The following DZIP3 variants were observed in gnomAD, a reference collection of about 807,000 sequenced individuals.
DZIP3 encodes the protein DAZ interacting zinc finger protein 3.
Under a neutral mutation model 162.0 loss-of-function variants are expected in DZIP3, and 118 were observed. The ratio of observed to expected loss-of-function variants is 0.73; its 90% confidence interval spans 0.63 to 0.85. The LOEUF is 0.85. Ranked by LOEUF, DZIP3 falls within the 40% of genes least tolerant of loss-of-function variation. The probability of loss-of-function intolerance (pLI) is 0.00; values close to 1 mark genes in which losing one functional copy is unlikely to be tolerated. For missense variants in DZIP3, 1,331 were observed against 1,407.0 expected (o/e 0.95, Z 0.86); for synonymous variants, 438 against 458.6 (o/e 0.96, Z 0.57).
chr3:108,625,681 A>G (rs1410173616), intron 6 of DZIP3, among the ~76,000 whole-genome samples, 164 bp from the exon 7 acceptor site: 1 of 152,190 alleles, frequency 6.6e-6, no homozygotes, highest in Non-Finnish European at 1.5e-5. Flanking sequence ...TGATCTTTGT[A>G]ATCACATGCA....
At chr3:108,688,994 T>A in intron 31 of DZIP3, 70 bp downstream of exon 31, 3 of 1,389,292 alleles carry the variant, frequency 2.2e-6, no homozygotes. Context: ...ATCATATACA[T>A]GTATCATTAT....
intron 19 of DZIP3, among the ~76,000 whole-genome samples, chr3:108,661,020 CTT>C (rs943020715): frequency 6.6e-6 from 1 of 152,182 alleles, no homozygotes; most frequent in Non-Finnish European, 1.5e-5. Context: ...AATAGGAACA[CTT>C]TTACACTGTT....
intron 5 of DZIP3, 86 bp downstream of exon 5, chr3:108,616,743 A>C: frequency 1.1e-6 from 1 of 905,878 alleles, no homozygotes; most frequent in Non-Finnish European, 1.7e-6. Flanking sequence ...GCTTATTTTA[A>C]GGTGTGGGCC....
At chr3:108,640,916 T>G (rs1387968448) in intron 12 of DZIP3, among the ~76,000 whole-genome samples, 2 of 152,156 alleles carry the variant, frequency 1.3e-5, no homozygotes, top group African/African-American at 4.8e-5. Context: ...TGTTGTTTTA[T>G]ATATACAATA....
In DZIP3 at chr3:108,686,439, T is replaced by C. The variant is rs1303077578; in HGVS notation, c.3010-6T>C. 6.4e-7 allele frequency: 1 copy of C among 1,570,926 alleles called. No homozygotes were observed. Among genetic ancestry groups the C allele is most frequent in the Non-Finnish European group, 8.6e-7 (1 of 1,163,762 alleles). On this transcript the variant is annotated splice_polypyrimidine_tract_variant and splice_region_variant and intron_variant, in intron 27 of 32. Transcript: ENST00000361582. Reference sequence around the variant, plus strand: ...CTGCTGGGCTATAGCTCTCTGCCTCTTACAGATGACTGGCATAGCCTGGGC... The same window carrying C: ...CTGCTGGGCTATAGCTCTCTGCCTCCTACAGATGACTGGCATAGCCTGGGC...
At chr3:108,625,754 C>A in intron 6 of DZIP3, 91 bp from the exon 7 acceptor site, 1 of 1,307,592 alleles carries the variant, frequency 7.6e-7, no homozygotes, top group Non-Finnish European at 1.0e-6. Flanking sequence ...TAAAGCTGCC[C>A]TAATTTCTCC....
At chr3:108,602,752 A>T (rs1222962144) in intron 1 of DZIP3, 1 of 152,082 alleles carries the variant, frequency 6.6e-6, no homozygotes, top group Non-Finnish European at 1.5e-5. Flanking sequence ...TTTGGTTGCT[A>T]GGCACTTCGC....
intron 10 of DZIP3, among the ~76,000 whole-genome samples, chr3:108,635,601 TTA>T (rs1056873229): frequency 3.5e-5 from 5 of 143,292 alleles, no homozygotes; most frequent in African/African-American, 1.2e-4. Flanking sequence ...AACTACATAA[TTA>T]TATATAACTA....
Position 108,654,739 on chromosome 3 carries a change from T to A in DZIP3, c.2199+429T>A, listed in dbSNP as rs552942725. The stretch of plus-strand genomic sequence containing the variant: ...AATGTCTACAGAAAATATTGATGTA[T>A]AATCATTTTTTTTTCTGGCTCCATT... On this transcript the variant is annotated intron_variant, in intron 19 of 32. Coordinates refer to ENST00000361582, the MANE Select transcript of DZIP3 (RefSeq NM_014648.4). Among the ~76,000 whole-genome samples the A allele has an allele frequency of 5.3e-5, 8 of 152,026 alleles. No homozygotes were observed. The East Asian group carries it at 1.4e-3, about 26-fold the overall frequency.
intron 5 of DZIP3, among the ~76,000 whole-genome samples, chr3:108,617,299 C>G (rs1941069775): frequency 6.6e-6 from 1 of 152,020 alleles, no homozygotes; most frequent in South Asian, 2.1e-4. Context: ...TGAGGTTATA[C>G]ATATGTTAAT....
chr3:108,642,414 A>G, intron 12 of DZIP3, 24 bp from the exon 13 acceptor site: 7 of 1,463,718 alleles, frequency 4.8e-6, no homozygotes, highest in Non-Finnish European at 5.5e-6. Context: ...TTTCCACTAT[A>G]ACTTAATTTT....
chr3:108,647,844 GT>G, intron 15 of DZIP3, 98 bp from the exon 16 acceptor site: 1 of 942,882 alleles, frequency 1.1e-6, no homozygotes, highest in South Asian at 1.9e-5. Context: ...TTTTATTTCT[GT>G]TTTGTGAATG....
chr3:108,645,287 A>G (rs955228239), intron 14 of DZIP3, among the ~76,000 whole-genome samples: 6 of 152,208 alleles, frequency 3.9e-5, no homozygotes, highest in Admixed American at 2.6e-4. Context: ...CAAAATTAAT[A>G]AAGTTTAAAA....
chr3:108,651,136 G>GA lies in DZIP3; in HGVS notation c.2009dup (p.Asn670LysfsTer2). 1.4e-6 allele frequency: 1 copy of GA among 739,800 alleles called. No homozygotes were observed. 45.8% of individuals were successfully genotyped at this position (739,800 alleles called of 1,614,324 possible). A position where few individuals can be genotyped will look rare whatever the true frequency, so the allele number is the denominator to read the frequency against. On this transcript the variant is annotated frameshift_variant and splice_region_variant. Coordinates refer to ENST00000361582, the MANE Select transcript of DZIP3 (RefSeq NM_014648.4). LOFTEE classifies it high-confidence loss of function. Reference sequence around the variant, plus strand: ...TTACTAATTCTTATGTTATTTTTCAGAATAAAGACTCAAAAGAAGACCAAG... The same window carrying GA: ...TTACTAATTCTTATGTTATTTTTCAGAAATAAAGACTCAAAAGAAGACCAAG...
At chr3:108,671,205 A>AT (rs1559775040) in intron 22 of DZIP3, among the ~76,000 whole-genome samples, 3 of 151,874 alleles carry the variant, frequency 2.0e-5, no homozygotes, top group African/African-American at 7.2e-5. Flanking sequence ...TTGTGTTAAT[A>AT]TATCTGCTTG....
chr3:108,687,498 G>A (rs1944539155), intron 28 of DZIP3, among the ~76,000 whole-genome samples: 1 of 152,046 alleles, frequency 6.6e-6, no homozygotes, highest in Non-Finnish European at 1.5e-5. Flanking sequence ...TTTAACCCTT[G>A]CTTTCCTGTT....
At position 108,690,885 on chromosome 3, in the gene DZIP3, G is replaced by A; in HGVS notation, c.3615G>A (p.Leu1205=). The A allele has an allele frequency of 1.2e-6, 2 of 1,614,108 alleles. No individual in the cohort carries two copies. The highest frequency in any genetic ancestry group is 1.7e-6 in the Non-Finnish European group (2 of 1,179,966). Residue 1205 remains leucine (L), a synonymous_variant, in exon 32 of 33, where the codon TTG becomes TTA. Coordinates refer to ENST00000361582, the MANE Select transcript of DZIP3 (RefSeq NM_014648.4). ...TCCCTGGTCACCCCAGCCGGCAGTT[G>A]CCCAAGATCTGATACAAGGTCGGGG... ...EEFPGHPSRQ[L]PKI is the part of the protein sequence containing the mutation.
At chr3:108,625,189 T>C (rs1172793461) in intron 6 of DZIP3, among the ~76,000 whole-genome samples, 1 of 152,152 alleles carries the variant, frequency 6.6e-6, no homozygotes, top group Non-Finnish European at 1.5e-5. Flanking sequence ...CCATTATGCC[T>C]TTTTCACTGA....
At chr3:108,661,363 TTC>T (rs1348633298) in intron 19 of DZIP3, among the ~76,000 whole-genome samples, 2 of 152,174 alleles carry the variant, frequency 1.3e-5, no homozygotes, top group Non-Finnish European at 2.9e-5. Flanking sequence ...GAAACCATCA[TTC>T]TCAGCAAACT....
Sources: gnomAD v4.1 joint callset for allele counts (sites outside exome capture counted in the v4.1 genomes callset) on GRCh38, gnomAD v4.1.1 for gene constraint, MANE v1.5 for transcripts, NCBI Gene and HGNC (gene_info 2026-07-23, HGNC 2026-07-21) for gene names.